Variants in GSN observed in about 807,000 individuals in gnomAD.
GSN encodes actin-depolymerizing factor.
GSN carries 56 observed loss-of-function variants against 85.7 expected under a neutral mutation model. That is an observed-to-expected ratio of 0.65 (90% CI 0.53 to 0.82). The LOEUF is 0.82. GSN is among the 40% of genes least tolerant of loss of function. The pLI, the probability that GSN is intolerant of heterozygous loss-of-function variation, is 0.00. For missense variants in GSN, 857 were observed against 979.8 expected (o/e 0.87, Z 1.67); for synonymous variants, 373 against 399.1 (o/e 0.93, Z 0.78).
intron 6 of GSN, among the ~76,000 whole-genome samples, chr9:121,258,179 T>A (rs1444277144): frequency 6.6e-6 from 1 of 152,176 alleles, no homozygotes; most frequent in South Asian, 2.1e-4. Flanking sequence ...TGGGGAAATA[T>A]GGCTACTTTA....
chr9:121,286,505 CA>C, intron 2 of GSN: 2 of 1,186,228 alleles, frequency 1.7e-6, no homozygotes, highest in Non-Finnish European at 2.3e-6. Flanking sequence ...CCCACCTTCC[CA>C]AAAGGGAAAC....
chr9:121,319,016 G>GT, intron 10 of GSN, 136 bp downstream of exon 10: 2 of 755,982 alleles, frequency 2.6e-6, no homozygotes, highest in Non-Finnish European at 4.5e-6. Context: ...GTGTTACTTA[G>GT]TTTTTACAGC....
chr9:121,281,582 CA>C lies in GSN; in HGVS notation c.-10+21del, dbSNP rs141389312. ...TGTTAGGTAGGTAGAGCAATACAGA[CA>C]CCTGTCGTCCTCTTAAACCCCGCCC... is the stretch of plus-strand genomic sequence containing the variant. On this transcript the variant is annotated intron_variant, in intron 2 of 17. Coordinates refer to ENST00000432226, the MANE Select transcript of GSN (RefSeq NM_198252.3). The C allele has an allele frequency of 0.041, 19,149 of 469,934 alleles. 1,320 individuals are homozygous for C. The highest frequency in any genetic ancestry group is 0.19 in the Admixed American group (7,947 of 42,500). 29.1% of individuals were successfully genotyped at this position (469,934 alleles called of 1,614,324 possible).
At chr9:121,230,052 A>G (rs2054357120) in intron 4 of GSN, among the ~76,000 whole-genome samples, 2 of 152,176 alleles carry the variant, frequency 1.3e-5, no homozygotes, top group Admixed American at 1.3e-4. Flanking sequence ...TTTTTAATTC[A>G]GTGTGTAGAA....
chr9:121,270,609 G>C lies in GSN; in HGVS notation c.-103+2390G>C, dbSNP rs537523007. Among the ~76,000 whole-genome samples the C allele has an allele frequency of 4.6e-5, 7 of 152,188 alleles. No homozygotes were observed. In the South Asian group the frequency reaches 1.5e-3, roughly 32 times the overall value. ...TGTAACTTTTTTTTCTTTTTCATGA[G>C]TTTTAAAACAAACAAAAATTGTTAA... On this transcript the variant is annotated intron_variant, in intron 1 of 17. Transcript: ENST00000432226.
Position 121,312,586 on chromosome 9 carries a change from A to C in GSN, c.663+98A>C, listed in dbSNP as rs73660436. On this transcript the variant is annotated intron_variant, in intron 6 of 17. Coordinates refer to ENST00000432226, the MANE Select transcript of GSN (RefSeq NM_198252.3). ...TTTGAGGTGAATTTGAGGAAAAAAA[A>C]AAACTTCCGCTCTACCCCACCTTTT... The C allele has an allele frequency of 5.3e-4, 513 of 969,454 alleles. No individual in the cohort carries two copies. The African/African-American group carries it at 7.7e-3, about 15-fold the overall frequency. The allele number at this position is 969,454 out of a possible 1,614,324, so 60.1% of individuals were successfully genotyped here.
intron 4 of GSN, chr9:121,310,421 A>T: frequency 2.0e-6 from 1 of 502,374 alleles, no homozygotes. Flanking sequence ...AGAAAGATGC[A>T]GTGGGCAGGG....
At chr9:121,292,878 G>A (rs185670217) in intron 2 of GSN, among the ~76,000 whole-genome samples, 3 of 152,186 alleles carry the variant, frequency 2.0e-5, no homozygotes, top group East Asian at 3.9e-4. Context: ...GTGCCTTTGC[G>A]GGGCATGGTC....
chr9:121,219,153 G>T (rs545849079), intron 4 of GSN, among the ~76,000 whole-genome samples: 2 of 152,232 alleles, frequency 1.3e-5, no homozygotes, highest in Admixed American at 1.3e-4. Flanking sequence ...GGGCAGTTCT[G>T]CCAGGGCTCT....
the GSN span, chr9:121,201,840 C>G: frequency 1.3e-5 from 2 of 152,456 alleles, no homozygotes. Flanking sequence ...CCTGTGCTCC[C>G]TCAGTATCTT....
chr9:121,332,335 C>G lies in GSN; in HGVS notation c.2027-99C>G. Reference sequence around the variant, plus strand: ...GCAGTAGGGACAGTAGGACCATAGACCCTCTTCTTTGTCAACTCCTGTCCT... The same window carrying G: ...GCAGTAGGGACAGTAGGACCATAGAGCCTCTTCTTTGTCAACTCCTGTCCT... On this transcript the variant is annotated intron_variant, in intron 17 of 17. Coordinates refer to ENST00000432226, the MANE Select transcript of GSN (RefSeq NM_198252.3). This position sits in a 1 kb window ranked among gnomAD's most constrained non-coding sequence, Gnocchi z 4.8. 1 of 1,077,006 alleles carries G rather than the reference C, an allele frequency of 9.3e-7. No homozygotes were observed. Among genetic ancestry groups the G allele is most frequent in the Non-Finnish European group, 1.4e-6 (1 of 690,552 alleles). 66.7% of individuals were successfully genotyped at this position (1,077,006 alleles called of 1,614,324 possible).
intron 4 of GSN, among the ~76,000 whole-genome samples, chr9:121,226,047 C>T (rs1045751482): frequency 6.6e-6 from 1 of 152,178 alleles, no homozygotes; most frequent in African/African-American, 2.4e-5. Context: ...TTGTGATTCC[C>T]CCCACCTCGG....
intron 4 of GSN, among the ~76,000 whole-genome samples, chr9:121,216,945 G>A (rs1471525596): frequency 6.6e-6 from 1 of 152,140 alleles, no homozygotes; most frequent in Admixed American, 6.5e-5. Flanking sequence ...GTCTTCACAT[G>A]GTCTTCCCTC....
chr9:121,320,396 G>C (rs977464508), intron 10 of GSN, among the ~76,000 whole-genome samples: 1 of 152,230 alleles, frequency 6.6e-6, no homozygotes, highest in Non-Finnish European at 1.5e-5. Context: ...TGTAATCCCA[G>C]CACTTTGGGT....
At position 121,223,906 on chromosome 9, in the gene GSN, G is replaced by T. The variant is rs192113951; in HGVS notation, c.-527-7259G>T. On this transcript the variant is annotated intron_variant, in intron 4 of 24. Transcript: ENST00000373823. ...ACTCTTGGGCTCAAGTAATCCACCC[G>T]CCTCGGCCTCCCAAAGTGCTGGAAT... is the stretch of plus-strand genomic sequence containing the variant. Among the ~76,000 whole-genome samples the T allele has an allele frequency of 1.1e-4, 17 of 152,074 alleles. No individual in the cohort carries two copies. In the East Asian group the frequency reaches 3.1e-3, roughly 28 times the overall value.
intron 4 of GSN, among the ~76,000 whole-genome samples, chr9:121,225,891 A>G (rs1022405963): frequency 6.6e-6 from 1 of 152,040 alleles, no homozygotes; most frequent in Non-Finnish European, 1.5e-5. Flanking sequence ...TGCAACCTCC[A>G]ACTCCCGGGT....
At chr9:121,213,108 G>A in intron 4 of GSN, among the ~76,000 whole-genome samples, 1 of 152,214 alleles carries the variant, frequency 6.6e-6, no homozygotes, top group Non-Finnish European at 1.5e-5. Context: ...GAGTGGGAAA[G>A]GTACCATTTC....
intron 1 of GSN, among the ~76,000 whole-genome samples, chr9:121,273,969 T>A (rs1026680149): frequency 3.9e-5 from 6 of 152,204 alleles, no homozygotes; most frequent in Admixed American, 2.0e-4. Context: ...ATGTTTATAA[T>A]CTTGGGTATA....
chr9:121,285,997 C>G, intron 2 of GSN: 1 of 823,382 alleles, frequency 1.2e-6, no homozygotes, highest in Non-Finnish European at 2.0e-6. Context: ...GGAGAAGAAC[C>G]ATTTCCGGAA....
Sources: allele counts gnomAD v4.1 joint callset (sites outside exome capture counted in the v4.1 genomes callset), GRCh38; gene constraint gnomAD v4.1.1; non-coding constraint Gnocchi (gnomAD v3.1); transcripts MANE v1.5; gene names NCBI Gene and HGNC (gene_info 2026-07-23, HGNC 2026-07-21).